Variants in TMEM242 observed in about 807,000 individuals in gnomAD.
TMEM242 encodes transmembrane protein 242, also known as UPF0463 transmembrane protein C6orf35.
In TMEM242, 10 loss-of-function variants were observed where a neutral mutation model predicts 18.2. The observed-to-expected ratio is 0.55, with a 90% confidence interval of 0.34 to 0.93. The LOEUF is 0.93. Ranked by LOEUF, TMEM242 falls within the 40% of genes least tolerant of loss-of-function variation. The pLI is 0.02. For synonymous variants in TMEM242, 57 were observed against 69.9 expected, an observed-to-expected ratio of 0.81 and a Z score of 0.92; for missense variants, 186 against 175.5, an observed-to-expected ratio of 1.06 and a Z score of -0.34.
intron 3 of TMEM242, among the ~76,000 whole-genome samples, chr6:157,306,122 C>T (rs1777914864): frequency 1.3e-5 from 2 of 152,146 alleles, no homozygotes; most frequent in South Asian, 2.1e-4. Flanking sequence ...TTGTAGATGA[C>T]GAGGGGCAGG....
At chr6:157,312,585 T>C (rs587762317) in intron 3 of TMEM242, among the ~76,000 whole-genome samples, 6 of 105,932 alleles carry the variant, frequency 5.7e-5, no homozygotes, top group Non-Finnish European at 8.0e-5. Flanking sequence ...CCCGGCCTCA[T>C]CATAGTGCCG....
intron 3 of TMEM242, among the ~76,000 whole-genome samples, chr6:157,312,451 A>ATCT (rs1778188277): frequency 2.1e-5 from 3 of 145,602 alleles, no homozygotes; most frequent in Admixed American, 6.8e-5. Context: ...ACCGAGCCTC[A>ATCT]TAGTGCCCCA....
At chr6:157,313,357 C>T (rs1554249722) in intron 3 of TMEM242, among the ~76,000 whole-genome samples, 11 of 142,940 alleles carry the variant, frequency 7.7e-5, no homozygotes, top group South Asian at 2.3e-4. Flanking sequence ...TGTGCGCTCA[C>T]CTGGCCTCAT....
rs587680311 is a variant in TMEM242, at chr6:157,305,124, G to A, written c.328-12125C>T. On this transcript the variant is annotated intron_variant, in intron 3 of 3. Transcript: ENST00000400788. This position sits in a 1 kb window ranked among gnomAD's most constrained non-coding sequence, Gnocchi z 4.1. ...TTAAAATATCTCTGGCTGCTGTGTG[G>A]AGAAAAAATTCTAGAAGGAATAAGG... Among the ~76,000 whole-genome samples, 151 of 152,262 alleles carry A rather than the reference G, an allele frequency of 9.9e-4. No individual in the cohort carries two copies. Among genetic ancestry groups the A allele is most frequent in the Non-Finnish European group, 2.0e-3 (133 of 68,026 alleles).
At chr6:157,319,037 C>T (rs1778454076) in intron 2 of TMEM242, 118 bp from the exon 3 acceptor site, 4 of 1,072,048 alleles carry the variant, frequency 3.7e-6, no homozygotes, top group Admixed American at 7.4e-5. Flanking sequence ...GCTAAATCAA[C>T]CCAAGGTCTA....
At chr6:157,310,392 CAT>C (rs1777986416) in intron 3 of TMEM242, among the ~76,000 whole-genome samples, 1 of 143,500 alleles carries the variant, frequency 7.0e-6, no homozygotes, top group Admixed American at 6.9e-5. Flanking sequence ...CTGGCCTCAT[CAT>C]AGTGTCCCAG....
chr6:157,315,441 C>A (rs139989435), intron 3 of TMEM242, among the ~76,000 whole-genome samples: 1 of 152,144 alleles, frequency 6.6e-6, no homozygotes, highest in African/African-American at 2.4e-5. Flanking sequence ...TTTCTGTGGG[C>A]CTTCTCAAAC....
At chr6:157,299,917 C>T in intron 3 of TMEM242, 4 of 1,611,828 alleles carry the variant, frequency 2.5e-6, no homozygotes, top group Non-Finnish European at 3.4e-6. Context: ...AGGCCATGCC[C>T]ACCGATCCAG....
chr6:157,306,524 AT>A (rs1267180348), intron 3 of TMEM242, among the ~76,000 whole-genome samples: 1 of 152,142 alleles, frequency 6.6e-6, no homozygotes, highest in Non-Finnish European at 1.5e-5. Context: ...TTGGGGACAA[AT>A]GACAGTTCAC....
chr6:157,300,209 G>C (rs1343770889), intron 3 of TMEM242: 1 of 448,316 alleles, frequency 2.2e-6, no homozygotes, highest in African/African-American at 2.0e-5. Context: ...GCCATTAGCA[G>C]CACCTTCAGC....
intron 3 of TMEM242, among the ~76,000 whole-genome samples, chr6:157,297,154 C>T (rs1237760460): frequency 2.0e-5 from 3 of 152,188 alleles, no homozygotes; most frequent in African/African-American, 7.2e-5. Context: ...AATATCATCC[C>T]TCCTTTAAAG....
chr6:157,306,739 C>T (rs77060708), intron 3 of TMEM242, among the ~76,000 whole-genome samples: 38,993 of 151,870 alleles, frequency 0.26, 5,313 homozygotes, highest in East Asian at 0.56. Flanking sequence ...GTGGGACAGT[C>T]GGAAGTTACA....
chr6:157,312,716 C>A (rs1554249403), intron 3 of TMEM242, among the ~76,000 whole-genome samples: 5 of 144,302 alleles, frequency 3.5e-5, no homozygotes, highest in East Asian at 2.0e-4. Flanking sequence ...GCTCACCTGG[C>A]CTCATCTTAC....
intron 3 of TMEM242, among the ~76,000 whole-genome samples, chr6:157,304,476 AAAAAAAAAAAAAAAAG>A (rs1403222136): frequency 4.0e-5 from 5 of 124,428 alleles, no homozygotes; most frequent in Non-Finnish European, 6.8e-5. Context: ...AAAAAAAAAA[AAAAAAAAAAAAAAAAG>A]AGAGAGAGAG....
intron 3 of TMEM242, chr6:157,318,517 T>C (rs1583576810): frequency 4.4e-6 from 2 of 458,600 alleles, no homozygotes. Flanking sequence ...CCCACTGCAC[T>C]CGCCCTAATG....
chr6:157,302,305 A>G (rs184339561), intron 3 of TMEM242, among the ~76,000 whole-genome samples: 1 of 152,252 alleles, frequency 6.6e-6, no homozygotes, highest in Non-Finnish European at 1.5e-5. Context: ...ATAACTTGAA[A>G]TGTTTTAACC....
At position 157,305,415 on chromosome 6, in the gene TMEM242, A is replaced by G. The variant is rs1777896545; in HGVS notation, c.328-12416T>C. ...GAGCAAGTTGGGAATAAAGTGAGGA[A>G]ATCAAGTGCTCTAGTTGGGACATGG... On this transcript the variant is annotated intron_variant, in intron 3 of 3. Transcript: ENST00000400788. The surrounding 1 kb of genome is among the most constrained non-coding windows in gnomAD (Gnocchi z 4.1). 6.6e-6 allele frequency among the ~76,000 whole-genome samples: 1 copy of G among 152,056 alleles called. No individual in the cohort carries two copies. Among genetic ancestry groups the G allele is most frequent in the Non-Finnish European group, 1.5e-5 (1 of 68,020 alleles).
intron 3 of TMEM242, among the ~76,000 whole-genome samples, chr6:157,312,357 G>GTCACAGTGTGCACTCACC (rs1778176211): frequency 5.1e-5 from 2 of 38,908 alleles, no homozygotes; most frequent in East Asian, 8.9e-4. Context: ...GCCTCATCAT[G>GTCACAGTGTGCACTCACC]TCCCAGTGTG....
chr6:157,299,414 G>C lies in TMEM242; in HGVS notation c.328-6415C>G. The C allele has an allele frequency of 3.1e-6, 4 of 1,286,304 alleles. No individual in the cohort carries two copies. The East Asian group carries it at 9.2e-5, about 29-fold the overall frequency. The allele number at this position is 1,286,304 out of a possible 1,614,324, so 79.7% of individuals were successfully genotyped here. ...AGCTATGTTCACTCCACTCCATACAGGAACACTTGAGTCTCCATGCTCTCC... is the reference window on the plus strand; with the variant it reads ...AGCTATGTTCACTCCACTCCATACACGAACACTTGAGTCTCCATGCTCTCC... On this transcript the variant is annotated intron_variant, in intron 3 of 3. Transcript: ENST00000400788.
Sources: allele counts gnomAD v4.1 joint callset (sites outside exome capture counted in the v4.1 genomes callset), GRCh38; gene constraint gnomAD v4.1.1; non-coding constraint Gnocchi (gnomAD v3.1); transcripts MANE v1.5; gene names NCBI Gene and HGNC (gene_info 2026-07-23, HGNC 2026-07-21).